Variants in DLGAP1 observed in about 807,000 individuals in gnomAD.
DLGAP1 encodes the protein disks large-associated protein 1.
In DLGAP1, 11 loss-of-function variants were observed where a neutral mutation model predicts 90.8. The observed-to-expected ratio is 0.12, with a 90% CI of 0.08 to 0.20. The LOEUF (loss-of-function observed/expected upper bound fraction) is 0.20, where lower values mean the gene tolerates loss of function less well. DLGAP1 is among the 10% of genes least tolerant of loss of function. The pLI is 1.00. For synonymous variants in DLGAP1, 558 were observed against 540.7 expected (o/e 1.03, Z -0.44); for missense variants, 1,050 against 1,333.8 (o/e 0.79, Z 3.31).
rs372254529 is a variant in DLGAP1, at chr18:3,879,716, T to C, written c.353A>G (p.Tyr118Cys). ...CGTGCGCTTGTACTGCAGGGTGTGATAGCCATCGCGGCTGAGTGGCAGCTG... is the reference window on the plus strand; with the variant it reads ...CGTGCGCTTGTACTGCAGGGTGTGACAGCCATCGCGGCTGAGTGGCAGCTG... ...ERQLPLSRDG[Y>C]HTLQYKRTAV... Residue 118 changes from tyrosine (Y) to cysteine (C), a missense_variant, in exon 4 of 13, where the codon TAT (tyrosine) becomes TGT (cysteine). Physicochemically the swap from Tyr to Cys is radical, Grantham distance 194 (BLOSUM62 -2). This residue lies in a region of DLGAP1 where 485 missense variants were observed against 454.1 expected (regional missense o/e 1.07). Coordinates refer to ENST00000315677, the MANE Select transcript of DLGAP1 (RefSeq NM_004746.4). This position sits in a 1 kb window ranked among gnomAD's most constrained non-coding sequence, Gnocchi z 6.6. 14 of 1,608,648 alleles carry C rather than the reference T, an allele frequency of 8.7e-6. No homozygotes were observed. Among genetic ancestry groups the C allele is most frequent in the Non-Finnish European group, 1.2e-5 (14 of 1,179,852 alleles).
intron 1 of DLGAP1, among the ~76,000 whole-genome samples, chr18:4,173,052 T>C (rs2077049443): frequency 6.6e-6 from 1 of 152,198 alleles, no homozygotes; most frequent in Non-Finnish European, 1.5e-5. Context: ...AAAGGATCAT[T>C]TGAGAGAAAG....
At chr18:4,113,063 G>C (rs555828046) in intron 2 of DLGAP1, among the ~76,000 whole-genome samples, 1 of 132,322 alleles carries the variant, frequency 7.6e-6, no homozygotes, top group South Asian at 2.5e-4. Context: ...ATAGTGTTGT[G>C]ATGAACATAT....
chr18:3,620,235 G>T (rs1017065677), intron 7 of DLGAP1, among the ~76,000 whole-genome samples: 5 of 152,126 alleles, frequency 3.3e-5, no homozygotes, highest in Non-Finnish European at 5.9e-5. Context: ...GCAGAAGTGT[G>T]TGTGTGCGAG....
chr18:3,534,290 A>C lies in DLGAP1; in HGVS notation c.2383T>G (p.Trp795Gly). 1 of 1,614,232 alleles carries C rather than the reference A, an allele frequency of 6.2e-7. No individual in the cohort carries two copies. Among genetic ancestry groups the C allele is most frequent in the Non-Finnish European group, 8.5e-7 (1 of 1,180,036 alleles). The change falls in exon 10 of 13, where the codon TGG becomes GGG. Residue 795 changes from tryptophan (W) to glycine (G), a missense_variant. By Grantham distance (184) the Trp-to-Gly change is radical. Coordinates refer to ENST00000315677, the MANE Select transcript of DLGAP1 (RefSeq NM_004746.4). ...QRSVCHRDGH[W>G]FLKLLQAERD... ...TCTGCCTGGAGAAGCTTCAGGAACC[A>C]GTGGCCATCCCGGTGGCACACTGAC... is the stretch of plus-strand genomic sequence containing the variant.
chr18:3,723,255 T>C (rs1232544414), intron 7 of DLGAP1, among the ~76,000 whole-genome samples: 1 of 152,160 alleles, frequency 6.6e-6, no homozygotes, highest in Non-Finnish European at 1.5e-5. Context: ...TGACAGTTAA[T>C]TTACAAAAAC....
chr18:3,891,652 T>G (rs2071462237), intron 3 of DLGAP1, among the ~76,000 whole-genome samples: 1 of 152,210 alleles, frequency 6.6e-6, no homozygotes, highest in African/African-American at 2.4e-5. Context: ...TGTTGTCCAC[T>G]TTAAATGCAT....
intron 1 of DLGAP1, among the ~76,000 whole-genome samples, chr18:4,452,579 A>T (rs905742926): frequency 6.6e-6 from 1 of 152,220 alleles, no homozygotes; most frequent in Non-Finnish European, 1.5e-5. Context: ...TGGGTTGAAT[A>T]GGACACTTAA....
At chr18:4,104,631 A>G (rs2143914834) in intron 2 of DLGAP1, among the ~76,000 whole-genome samples, 1 of 152,280 alleles carries the variant, frequency 6.6e-6, no homozygotes, top group African/African-American at 2.4e-5. Flanking sequence ...TTCAAATATA[A>G]TGCTTTTCTG....
At chr18:4,308,270 C>T (rs1030096855) in intron 1 of DLGAP1, among the ~76,000 whole-genome samples, 8 of 152,198 alleles carry the variant, frequency 5.3e-5, no homozygotes, top group African/African-American at 1.9e-4. Flanking sequence ...CAAATATCTG[C>T]AACCATGCAG....
intron 9 of DLGAP1, among the ~76,000 whole-genome samples, chr18:3,564,129 A>C (rs2054301867): frequency 6.6e-6 from 1 of 151,948 alleles, no homozygotes; most frequent in Non-Finnish European, 1.5e-5. Flanking sequence ...ATGCCTCGTA[A>C]TTTTTTGAAA....
At chr18:3,549,676 G>T (rs2053269498) in intron 9 of DLGAP1, among the ~76,000 whole-genome samples, 1 of 151,986 alleles carries the variant, frequency 6.6e-6, no homozygotes, top group Non-Finnish European at 1.5e-5. Context: ...GTCTGTCCCT[G>T]TATTTTTCCA....
intron 8 of DLGAP1, chr18:3,580,521 C>T (rs539278234): frequency 2.9e-5 from 47 of 1,595,200 alleles, no homozygotes; most frequent in African/African-American, 2.8e-4. Flanking sequence ...GAAGAGGAGG[C>T]GGCGGCAGCG....
At chr18:4,186,539 T>C (rs1016431363) in intron 1 of DLGAP1, among the ~76,000 whole-genome samples, 3 of 152,206 alleles carry the variant, frequency 2.0e-5, no homozygotes, top group Non-Finnish European at 4.4e-5. Flanking sequence ...AGTAATCTTT[T>C]CCCCATTGTT....
chr18:3,651,554 A>G (rs113231850), intron 7 of DLGAP1, among the ~76,000 whole-genome samples: 9,624 of 152,246 alleles, frequency 0.063, 875 homozygotes, highest in African/African-American at 0.2. Context: ...GCACTTTGGG[A>G]GGCCAAGGCG....
chr18:4,157,705 C>T (rs927304829), intron 1 of DLGAP1, among the ~76,000 whole-genome samples: 41 of 152,288 alleles, frequency 2.7e-4, no homozygotes, highest in African/African-American at 8.4e-4. Flanking sequence ...AGCCATTCTG[C>T]GCTGCCTCAT....
chr18:3,787,650 C>T (rs2065523304), intron 5 of DLGAP1, among the ~76,000 whole-genome samples: 1 of 152,062 alleles, frequency 6.6e-6, no homozygotes, highest in Non-Finnish European at 1.5e-5. Context: ...ATCCTCTTGG[C>T]AGTTTTACCT....
At chr18:3,732,095 A>G (rs557342862) in intron 6 of DLGAP1, among the ~76,000 whole-genome samples, 2 of 152,312 alleles carry the variant, frequency 1.3e-5, no homozygotes, top group African/African-American at 2.4e-5. Flanking sequence ...TGACTTATCT[A>G]TTGAGCATCT....
Position 3,729,124 on chromosome 18 carries a change from C to T in DLGAP1, c.1591+11G>A, listed in dbSNP as rs376561107. 7.5e-6 allele frequency: 12 copies of T among 1,596,666 alleles called. No individual in the cohort carries two copies. In the Middle Eastern group the frequency reaches 5.5e-4, roughly 73 times the overall value. ...ACAGGGGCCAGGCTGGCTGAGGGCC[C>T]GCGCACTCACCCGTGCTGCTCTGGA... On this transcript the variant is annotated intron_variant, in intron 7 of 12. Transcript: ENST00000315677. The surrounding 1 kb of genome is among the most constrained non-coding windows in gnomAD (Gnocchi z 6.2).
At chr18:4,139,909 G>A (rs1035229856) in intron 2 of DLGAP1, among the ~76,000 whole-genome samples, 14 of 151,888 alleles carry the variant, frequency 9.2e-5, no homozygotes, top group African/African-American at 3.4e-4. Context: ...AAGCTATTTT[G>A]ATATAACTAT....
Sources: allele counts gnomAD v4.1 joint callset (sites outside exome capture counted in the v4.1 genomes callset), GRCh38; gene constraint gnomAD v4.1.1; regional missense constraint gnomAD v4.1.1; non-coding constraint Gnocchi (gnomAD v3.1); transcripts MANE v1.5; gene names NCBI Gene and HGNC (gene_info 2026-07-23, HGNC 2026-07-21).